CDH4: variants seen among roughly 807,000 people sequenced by gnomAD.
CDH4 encodes the protein cadherin 4, also known as cadherin-4.
CDH4 carries 33 observed loss-of-function variants against 86.0 expected under a neutral mutation model. The observed-to-expected ratio is 0.38, with a 90% CI of 0.29 to 0.51. The LOEUF is 0.51. Among genes scored for constraint, CDH4 ranks in the 20% least tolerant of loss-of-function variants. The pLI, the probability that CDH4 is intolerant of heterozygous loss-of-function variation, is 0.86. For missense variants in CDH4, 1,114 were observed against 1,307.4 expected (o/e 0.85, Z 2.28); for synonymous variants, 555 against 549.4 (o/e 1.01, Z -0.14).
intron 2 of CDH4, among the ~76,000 whole-genome samples, chr20:61,395,987 C>T (rs2085014578): frequency 6.6e-6 from 1 of 152,138 alleles, no homozygotes; most frequent in Non-Finnish European, 1.5e-5. Flanking sequence ...GTCTTTACCC[C>T]TAATGTGGCT....
chr20:61,364,137 G>C (rs2084798636), intron 2 of CDH4, among the ~76,000 whole-genome samples: 1 of 152,178 alleles, frequency 6.6e-6, no homozygotes, highest in South Asian at 2.1e-4. Flanking sequence ...TTGTCCAGCA[G>C]ATCCCCGATT....
At chr20:61,655,639 TTTG>T (rs1481988787) in intron 2 of CDH4, among the ~76,000 whole-genome samples, 2 of 152,112 alleles carry the variant, frequency 1.3e-5, no homozygotes, top group African/African-American at 4.8e-5. Context: ...TCCGCTGGCT[TTTG>T]TTGTTAGGTT....
chr20:61,652,934 A>ATTTTTTTTTTTTTTTTTTTTTTTTTT (rs1378064808), intron 2 of CDH4, among the ~76,000 whole-genome samples: 3 of 103,078 alleles, frequency 2.9e-5, no homozygotes, highest in Admixed American at 9.7e-5. Context: ...TTATTTATTT[A>ATTTTTTTTTTTTTTTTTTTTTTTTTT]TTTATTTTTT....
At chr20:61,815,079 A>C in intron 4 of CDH4, among the ~76,000 whole-genome samples, 1 of 152,178 alleles carries the variant, frequency 6.6e-6, no homozygotes, top group East Asian at 1.9e-4. Context: ...GATGCTAGGA[A>C]ATTCTGCACC....
At chr20:61,759,092 G>T (rs770575927) in intron 3 of CDH4, among the ~76,000 whole-genome samples, 1 of 152,146 alleles carries the variant, frequency 6.6e-6, no homozygotes, top group Non-Finnish European at 1.5e-5. Flanking sequence ...GCATGTGTGC[G>T]CACACACGTC....
chr20:61,879,819 C>T lies in CDH4; in HGVS notation c.1050+5919C>T, dbSNP rs1467276957. ...CCGGGCCAGCATTGTTCTCAGCGTCCCTTCCAGGCTGCTCCCGAGGATGTT... is the reference window on the plus strand; with the variant it reads ...CCGGGCCAGCATTGTTCTCAGCGTCTCTTCCAGGCTGCTCCCGAGGATGTT... On this transcript the variant is annotated intron_variant, in intron 7 of 15. Transcript: ENST00000614565. The surrounding 1 kb of genome is among the most constrained non-coding windows in gnomAD (Gnocchi z 4.1). Among the ~76,000 whole-genome samples, 1 of 152,178 alleles carries T rather than the reference C, an allele frequency of 6.6e-6. No homozygotes were observed. The highest frequency in any genetic ancestry group is 1.5e-5 in the Non-Finnish European group (1 of 68,040).
chr20:61,853,197 T>C (rs1440948565), intron 6 of CDH4, among the ~76,000 whole-genome samples: 1 of 152,014 alleles, frequency 6.6e-6, no homozygotes, highest in African/African-American at 2.4e-5. Flanking sequence ...GGCAGGCCCC[T>C]CTGTGCAGCT....
At chr20:61,361,347 A>G (rs544716164) in intron 2 of CDH4, among the ~76,000 whole-genome samples, 43 of 152,172 alleles carry the variant, frequency 2.8e-4, no homozygotes, top group Non-Finnish European at 5.7e-4. Context: ...TTTCATGATC[A>G]CATGTGTCAA....
chr20:61,741,082 G>A (rs766579195), intron 2 of CDH4, among the ~76,000 whole-genome samples: 8 of 152,294 alleles, frequency 5.3e-5, no homozygotes, highest in Non-Finnish European at 1.0e-4. Context: ...GGTGGTGCAC[G>A]CCTGTAGTCC....
chr20:61,254,087 C>T (rs1226946250), intron 1 of CDH4, among the ~76,000 whole-genome samples: 1 of 152,262 alleles, frequency 6.6e-6, no homozygotes, highest in Non-Finnish European at 1.5e-5. Context: ...CTAGACTTCC[C>T]CACTGAGCAG....
chr20:61,879,473 G>A lies in CDH4; in HGVS notation c.1050+5573G>A, dbSNP rs1031754975. Among the ~76,000 whole-genome samples, 13 of 152,206 alleles carry A rather than the reference G, an allele frequency of 8.5e-5. No homozygotes were observed. The highest frequency in any genetic ancestry group is 2.7e-4 in the African/African-American group (11 of 41,462). On this transcript the variant is annotated intron_variant, in intron 7 of 15. Transcript: ENST00000614565. This position sits in a 1 kb window ranked among gnomAD's most constrained non-coding sequence, Gnocchi z 4.1. ...TCTCAGCACCAGCCTCCATCTGACAGAGTGAGTCATCTTTAGGAAGAAGAA... is the reference window on the plus strand; with the variant it reads ...TCTCAGCACCAGCCTCCATCTGACAAAGTGAGTCATCTTTAGGAAGAAGAA...
chr20:61,277,252 C>A (rs541704754), intron 2 of CDH4, among the ~76,000 whole-genome samples: 1 of 152,330 alleles, frequency 6.6e-6, no homozygotes, highest in East Asian at 1.9e-4. Context: ...TCTACCTGAG[C>A]TAAGTAAGAT....
intron 2 of CDH4, among the ~76,000 whole-genome samples, chr20:61,268,677 A>G (rs888076095): frequency 6.6e-6 from 1 of 151,872 alleles, no homozygotes; most frequent in Non-Finnish European, 1.5e-5. Flanking sequence ...TCCTTATAGA[A>G]AGAGCCTGGC....
At chr20:61,580,352 G>A (rs1337314384) in intron 2 of CDH4, among the ~76,000 whole-genome samples, 1 of 152,170 alleles carries the variant, frequency 6.6e-6, no homozygotes, top group Non-Finnish European at 1.5e-5. Context: ...CTACTAGGGA[G>A]GCTGAGGCAG....
At chr20:61,841,456 T>C (rs760787486) in intron 4 of CDH4, among the ~76,000 whole-genome samples, 5 of 151,968 alleles carry the variant, frequency 3.3e-5, no homozygotes, top group Non-Finnish European at 7.4e-5. Context: ...AAACTCTCCA[T>C]GGGTGGAGAA....
intron 2 of CDH4, among the ~76,000 whole-genome samples, chr20:61,333,024 A>G (rs1390899464): frequency 1.3e-5 from 2 of 152,214 alleles, no homozygotes; most frequent in East Asian, 3.9e-4. Flanking sequence ...TTTTTGGACC[A>G]AACTAAACAC....
chr20:61,314,115 T>C (rs1360910935), intron 2 of CDH4, among the ~76,000 whole-genome samples: 1 of 152,252 alleles, frequency 6.6e-6, no homozygotes, highest in Non-Finnish European at 1.5e-5. Context: ...TGTTACCTTT[T>C]GTGGTGAGAG....
intron 2 of CDH4, among the ~76,000 whole-genome samples, chr20:61,686,648 C>G (rs1457024675): frequency 1.6e-5 from 2 of 127,468 alleles, no homozygotes; most frequent in African/African-American, 3.1e-5. Flanking sequence ...TGTGCATTCG[C>G]GTGTGTGCAT....
chr20:61,579,892 C>G (rs1008924890), intron 2 of CDH4, among the ~76,000 whole-genome samples: 1 of 152,116 alleles, frequency 6.6e-6, no homozygotes, highest in Non-Finnish European at 1.5e-5. Context: ...CAAAAATGTA[C>G]TGCCTTTTTT....
Sources: gnomAD v4.1 joint callset for allele counts (sites outside exome capture counted in the v4.1 genomes callset) on GRCh38, gnomAD v4.1.1 for gene constraint, Gnocchi (gnomAD v3.1) non-coding constraint, MANE v1.5 for transcripts, NCBI Gene and HGNC (gene_info 2026-07-23, HGNC 2026-07-21) for gene names.